ALMS1: variants seen among roughly 807,000 people sequenced by gnomAD.
ALMS1 encodes ALMS1 centrosome and basal body associated protein.
Under a neutral mutation model 352.2 loss-of-function variants are expected in ALMS1, and 271 were observed. The ratio of observed to expected loss-of-function variants is 0.77; its 90% CI spans 0.70 to 0.85. The LOEUF (loss-of-function observed/expected upper bound fraction) is 0.85. Among genes scored for constraint, ALMS1 ranks in the 40% least tolerant of loss-of-function variants. ALMS1 has a pLI of 0.00. For synonymous variants in ALMS1, 1,865 were observed against 1,761.2 expected, an observed-to-expected ratio of 1.06 and a Z score of -1.48; for missense variants, 5,445 against 4,870.7, an observed-to-expected ratio of 1.12 and a Z score of -3.51.
At chr2:73,485,571 G>A (rs906128773) in intron 9 of ALMS1, among the ~76,000 whole-genome samples, 7 of 152,344 alleles carry the variant, frequency 4.6e-5, no homozygotes, top group African/African-American at 1.7e-4. Context: ...ACAGAGGCAG[G>A]CAGGCCTCCT....
At chr2:73,471,165 C>T (rs1464821825) in intron 9 of ALMS1, 1 of 149,894 alleles carries the variant, frequency 6.7e-6, no homozygotes, top group Non-Finnish European at 1.5e-5. Context: ...GTTGTTTTGT[C>T]CCTTTTGTCC....
At chr2:73,454,198 T>C (rs1572939171) in intron 8 of ALMS1, 131 bp downstream of exon 8, 1 of 1,478,022 alleles carries the variant, frequency 6.8e-7, no homozygotes, top group African/African-American at 1.4e-5. Context: ...AAGTTAGATA[T>C]TTGGAGTTCT....
chr2:73,408,865 T>TTA, intron 2 of ALMS1, 118 bp downstream of exon 2: 5 of 95,486 alleles, frequency 5.2e-5, no homozygotes, highest in Non-Finnish European at 7.4e-5. Flanking sequence ...TTTTCTTGTC[T>TTA]TTTTTTTTTT....
chr2:73,553,808 T>C (rs1319217733), intron 13 of ALMS1, among the ~76,000 whole-genome samples: 2 of 152,208 alleles, frequency 1.3e-5, no homozygotes, highest in East Asian at 1.9e-4. Context: ...GAGGGTTTTA[T>C]AATGAGATAA....
At chr2:73,408,228 G>A (rs1238713709) in intron 1 of ALMS1, among the ~76,000 whole-genome samples, 2 of 152,184 alleles carry the variant, frequency 1.3e-5, no homozygotes, top group Non-Finnish European at 2.9e-5. Context: ...TAGTAGGAGA[G>A]CGCTGCTCCA....
In ALMS1 at chr2:73,451,836, A is replaced by G. The variant is rs2103785989; in HGVS notation, c.5309A>G (p.Gln1770Arg). Residue 1770 changes from glutamine (Q) to arginine (R), a missense_variant, in exon 8 of 23, where the codon CAG (glutamine) becomes CGG (arginine). Coordinates refer to ENST00000613296, the MANE Select transcript of ALMS1 (RefSeq NM_001378454.1). ...ACAGAGAAGCCTAATATTTCTTACCAGCAAGAGTTGCCAGATAGTCATCTA... is the reference window on the plus strand; with the variant it reads ...ACAGAGAAGCCTAATATTTCTTACCGGCAAGAGTTGCCAGATAGTCATCTA... The part of the protein sequence containing the change: ...SHTEKPNISY[Q>R]QELPDSHLTE... 6.2e-7 allele frequency: 1 copy of G among 1,613,998 alleles called. No homozygotes were observed. The highest frequency in any genetic ancestry group is 8.5e-7 in the Non-Finnish European group (1 of 1,179,982).
chr2:73,475,982 C>T (rs1198206371), intron 9 of ALMS1, among the ~76,000 whole-genome samples: 1 of 151,864 alleles, frequency 6.6e-6, no homozygotes, highest in African/African-American at 2.4e-5. Flanking sequence ...TGTTGTTTAA[C>T]CAATCTCTAT....
At chr2:73,575,738 C>T (rs965288444) in intron 16 of ALMS1, among the ~76,000 whole-genome samples, 1 of 152,124 alleles carries the variant, frequency 6.6e-6, no homozygotes, top group African/African-American at 2.4e-5. Flanking sequence ...TTGTTAGATA[C>T]ATGATCTGCA....
chr2:73,426,609 C>T (rs1319641658), intron 6 of ALMS1, 56 bp downstream of exon 6: 1 of 1,524,914 alleles, frequency 6.6e-7, no homozygotes, highest in Non-Finnish European at 9.1e-7. Flanking sequence ...AGTATTGTTT[C>T]AGGAAATGGT....
chr2:73,502,626 A>G (rs186064610), intron 10 of ALMS1, among the ~76,000 whole-genome samples: 50 of 152,188 alleles, frequency 3.3e-4, no homozygotes, highest in African/African-American at 1.1e-3. Flanking sequence ...AATTTTTCAG[A>G]TGTTTTTCCT....
intron 1 of ALMS1, among the ~76,000 whole-genome samples, chr2:73,395,057 TGTGTATATATATATA>T (rs1670729565): frequency 2.6e-5 from 3 of 115,968 alleles, no homozygotes; most frequent in Non-Finnish European, 3.7e-5. Flanking sequence ...TATATATATA[TGTGTATATATATATA>T]TATATATTTT....
At position 73,450,935 on chromosome 2, in the gene ALMS1, A is replaced by G; in HGVS notation, c.4408A>G (p.Thr1470Ala). The change falls in exon 8 of 23, where the codon ACT becomes GCT. Residue 1470 changes from threonine to alanine, a missense_variant. Coordinates refer to ENST00000613296, the MANE Select transcript of ALMS1 (RefSeq NM_001378454.1). ...GPVDQTIGTP[T>A]VTSPSSSFGE... Reference sequence around the variant, plus strand: ...AGTTGACCAGACGATTGGCACACCAACTGTAACCTCCCCTTCCAGCTCATT... The same window carrying G: ...AGTTGACCAGACGATTGGCACACCAGCTGTAACCTCCCCTTCCAGCTCATT... 1 of 1,613,856 alleles carries G rather than the reference A, an allele frequency of 6.2e-7. No individual in the cohort carries two copies. The highest frequency in any genetic ancestry group is 8.5e-7 in the Non-Finnish European group (1 of 1,179,890).
chr2:73,517,246 CTTTT>C (rs770879267), intron 10 of ALMS1, among the ~76,000 whole-genome samples: 1 of 104,998 alleles, frequency 9.5e-6, no homozygotes, highest in African/African-American at 4.7e-5. Context: ...AAGTTTTAGT[CTTTT>C]TTTTTTTTTT....
intron 13 of ALMS1, among the ~76,000 whole-genome samples, chr2:73,552,864 G>C (rs1291207556): frequency 6.6e-6 from 1 of 152,162 alleles, no homozygotes; most frequent in Non-Finnish European, 1.5e-5. Context: ...GAATATAAAA[G>C]TGAGAAAATC....
At chr2:73,433,680 G>A (rs892529725) in intron 7 of ALMS1, among the ~76,000 whole-genome samples, 1 of 152,012 alleles carries the variant, frequency 6.6e-6, no homozygotes, top group Non-Finnish European at 1.5e-5. Context: ...GGATCACTTG[G>A]AAGAGTCTGG....
intron 10 of ALMS1, among the ~76,000 whole-genome samples, chr2:73,506,240 C>G (rs1462824511): frequency 6.6e-6 from 1 of 152,092 alleles, no homozygotes; most frequent in Admixed American, 6.5e-5. Context: ...CAGCTTTGTT[C>G]TTTTTGCTTA....
intron 9 of ALMS1, among the ~76,000 whole-genome samples, chr2:73,478,725 G>A (rs1318201443): frequency 6.6e-6 from 1 of 151,650 alleles, no homozygotes; most frequent in African/African-American, 2.4e-5. Context: ...GAACGTGCAG[G>A]TTTGTTACAC....
intron 2 of ALMS1, among the ~76,000 whole-genome samples, chr2:73,413,715 G>C (rs768436852): frequency 8.5e-5 from 13 of 152,130 alleles, no homozygotes; most frequent in Non-Finnish European, 2.9e-5. Flanking sequence ...TTTTGAGTTG[G>C]TTTTTGTATA....
intron 1 of ALMS1, among the ~76,000 whole-genome samples, chr2:73,396,332 A>G (rs1029671598): frequency 2.0e-5 from 3 of 152,034 alleles, no homozygotes; most frequent in Non-Finnish European, 4.4e-5. Context: ...ACACACACAC[A>G]CACACACGCT....
Sources: gnomAD v4.1 joint callset for allele counts (sites outside exome capture counted in the v4.1 genomes callset) on GRCh38, gnomAD v4.1.1 for gene constraint, MANE v1.5 for transcripts, NCBI Gene and HGNC (gene_info 2026-07-23, HGNC 2026-07-21) for gene names.